Variants in UGT1A9 observed in about 807,000 individuals in gnomAD.
The protein encoded by UGT1A9 is UDP glucuronosyltransferase family 1 member A9.
UGT1A9 carries 35 observed loss-of-function variants against 45.0 expected under a neutral mutation model. The ratio of observed to expected loss-of-function variants is 0.78; its 90% CI spans 0.59 to 1.03. UGT1A9 has a LOEUF of 1.03. UGT1A9 is among the 50% of genes least tolerant of loss of function. UGT1A9 has a pLI of 0.00. For synonymous variants in UGT1A9, 278 were observed against 250.6 expected (o/e 1.11, Z -1.03); for missense variants, 687 against 666.6 (o/e 1.03, Z -0.34).
chr2:233,694,710 C>T (rs934435713), intron 1 of UGT1A9, among the ~76,000 whole-genome samples: 1 of 152,132 alleles, frequency 6.6e-6, no homozygotes, highest in African/African-American at 2.4e-5. Flanking sequence ...TTCTTTACAC[C>T]TGCTGATTTC....
chr2:233,722,051 T>C (rs1475748803), intron 1 of UGT1A9: 2 of 234,456 alleles, frequency 8.5e-6, no homozygotes, highest in Non-Finnish European at 1.7e-5. Flanking sequence ...GTGGTGTTTC[T>C]GGGTCAAGTG....
intron 1 of UGT1A9, among the ~76,000 whole-genome samples, chr2:233,694,553 C>T (rs2075225840): frequency 6.6e-6 from 1 of 152,172 alleles, no homozygotes; most frequent in Admixed American, 6.5e-5. Context: ...AAATAAAAAT[C>T]TGTGAGTTTT....
intron 1 of UGT1A9, chr2:233,741,585 C>T (rs370534544): frequency 1.3e-5 from 2 of 151,864 alleles, no homozygotes; most frequent in South Asian, 2.1e-4. Flanking sequence ...CCAGGCACCT[C>T]GGAGCATGTT....
intron 1 of UGT1A9, among the ~76,000 whole-genome samples, chr2:233,687,614 A>T (rs1192201082): frequency 1.3e-5 from 2 of 151,552 alleles, no homozygotes; most frequent in Admixed American, 6.6e-5. Flanking sequence ...AAAAGGAAAG[A>T]AAAAAAGGCT....
intron 1 of UGT1A9, among the ~76,000 whole-genome samples, chr2:233,758,985 G>GT (rs1383466743): frequency 1.3e-5 from 2 of 152,320 alleles, no homozygotes; most frequent in African/African-American, 4.8e-5. Flanking sequence ...TCTTGGGCCA[G>GT]TGGAATGAGT....
chr2:233,704,581 CAGAG>C (rs563313301), intron 1 of UGT1A9, among the ~76,000 whole-genome samples: 4 of 151,992 alleles, frequency 2.6e-5, no homozygotes, highest in African/African-American at 7.3e-5. Flanking sequence ...TTTCAAGAAT[CAGAG>C]AGAAGAAAGA....
At chr2:233,676,984 A>G (rs1298626096) in intron 1 of UGT1A9, among the ~76,000 whole-genome samples, 3 of 152,038 alleles carry the variant, frequency 2.0e-5, no homozygotes, top group African/African-American at 7.2e-5. Context: ...TAAATGAGGT[A>G]GTGTTACCTC....
At chr2:233,755,366 T>C in intron 1 of UGT1A9, 1 of 363,028 alleles carries the variant, frequency 2.8e-6, no homozygotes, top group East Asian at 7.5e-5. Context: ...CTGGGCCGCC[T>C]GGAGGGCCGC....
intron 1 of UGT1A9, chr2:233,760,497 C>T (rs1553620689): frequency 2.5e-6 from 4 of 1,614,200 alleles, no homozygotes; most frequent in East Asian, 2.2e-5. Flanking sequence ...ACATCAGAGA[C>T]GGAGCATTTT....
intron 1 of UGT1A9, chr2:233,713,745 G>A: frequency 6.2e-7 from 1 of 1,613,988 alleles, no homozygotes; most frequent in Non-Finnish European, 8.5e-7. Context: ...TGTCAGCCAT[G>A]CATCTGTGTG....
intron 1 of UGT1A9, among the ~76,000 whole-genome samples, chr2:233,727,545 T>C (rs2077627675): frequency 2.0e-5 from 3 of 152,198 alleles, no homozygotes. Flanking sequence ...GTTCCACCCG[T>C]CACCTGGGCT....
chr2:233,747,722 G>T (rs554726929), intron 1 of UGT1A9: 13 of 1,612,764 alleles, frequency 8.1e-6, no homozygotes, highest in South Asian at 3.3e-5. Context: ...TTCCTGCTGT[G>T]TTTTTTTTGA....
chr2:233,760,256 G>A (rs2125981290), intron 1 of UGT1A9: 1 of 1,610,940 alleles, frequency 6.2e-7, no homozygotes, highest in South Asian at 1.1e-5. Context: ...ATAAGTAGGA[G>A]AGGGCGAACC....
chr2:233,729,936 G>A (rs1335744695), intron 1 of UGT1A9: 1 of 1,613,890 alleles, frequency 6.2e-7, no homozygotes, highest in Admixed American at 1.7e-5. Flanking sequence ...GGCCAATCAT[G>A]CCCAACATGG....
rs1385848693 is a variant in UGT1A9 at position 233,725,062 on chromosome 2, C to G, written c.856-41972C>G. On this transcript the variant is annotated intron_variant, in intron 1 of 4. Transcript: ENST00000354728. ...ACCAGTCAGGCGTGGCGGCGCGCGC[C>G]TGCAATCGCAGGCACTCGGCAGGCT... 1.4e-5 allele frequency among the ~76,000 whole-genome samples: 2 copies of G among 147,098 alleles called. 1 individual carries two copies. Among genetic ancestry groups the G allele is most frequent in the East Asian group, 4.2e-4 (2 of 4,760 alleles).
intron 1 of UGT1A9, among the ~76,000 whole-genome samples, chr2:233,750,204 T>G: frequency 6.6e-6 from 1 of 151,878 alleles, no homozygotes; most frequent in East Asian, 1.9e-4. Context: ...AAGTCCAGGC[T>G]GAGTCTCAGA....
At chr2:233,700,275 TTTTAA>T (rs2075554148) in intron 1 of UGT1A9, among the ~76,000 whole-genome samples, 1 of 152,238 alleles carries the variant, frequency 6.6e-6, no homozygotes, top group African/African-American at 2.4e-5. Context: ...AATAGGCACT[TTTTAA>T]AATACGTGAC....
chr2:233,688,441 C>T lies in UGT1A9; in HGVS notation c.855+15652C>T, dbSNP rs10168416. Among the ~76,000 whole-genome samples the T allele has an allele frequency of 2.6e-5, 4 of 152,144 alleles. No individual in the cohort carries two copies. In the East Asian group the frequency reaches 5.8e-4, roughly 22 times the overall value. On this transcript the variant is annotated intron_variant, in intron 1 of 4. Coordinates refer to ENST00000354728, the MANE Select transcript of UGT1A9 (RefSeq NM_021027.3). ...GCCTAACCTCTATACCTGACTGCCTCCCTGTGTTGACAGGAAACTTCTTGG... is the reference window on the plus strand; with the variant it reads ...GCCTAACCTCTATACCTGACTGCCTTCCTGTGTTGACAGGAAACTTCTTGG...
intron 1 of UGT1A9, among the ~76,000 whole-genome samples, chr2:233,734,109 T>C (rs1028372875): frequency 6.6e-6 from 1 of 152,072 alleles, no homozygotes; most frequent in African/African-American, 2.4e-5. Flanking sequence ...AGTATAATAA[T>C]AATAATAATA....
Sources: allele counts gnomAD v4.1 joint callset (sites outside exome capture counted in the v4.1 genomes callset), GRCh38; gene constraint gnomAD v4.1.1; transcripts MANE v1.5; gene names NCBI Gene and HGNC (gene_info 2026-07-23, HGNC 2026-07-21).